RASGRP2: variants seen among roughly 807,000 people sequenced by gnomAD.
RASGRP2 encodes the protein RAS guanyl releasing protein 2.
In RASGRP2, 44 loss-of-function variants were observed where a neutral mutation model predicts 71.0. The observed-to-expected ratio is 0.62, with a 90% CI of 0.49 to 0.80. The LOEUF (loss-of-function observed/expected upper bound fraction) is 0.80, where lower values mean the gene tolerates loss of function less well. Ranked by LOEUF, RASGRP2 falls within the 30% of genes least tolerant of loss-of-function variation. RASGRP2 has a pLI of 0.00. For synonymous variants in RASGRP2, 350 were observed against 330.7 expected (o/e 1.06, Z -0.63); for missense variants, 663 against 813.4 (o/e 0.82, Z 2.25).
chr11:64,729,442 T>G (rs565779145), intron 14 of RASGRP2, among the ~76,000 whole-genome samples: 4 of 151,936 alleles, frequency 2.6e-5, no homozygotes, highest in African/African-American at 7.2e-5. Flanking sequence ...GTTCAAGCGA[T>G]TCTCATGCCT....
rs1422798898 is a variant in RASGRP2 at position 64,739,949 on chromosome 11, G to C, written c.522+64C>G. 1.2e-6 allele frequency: 2 copies of C among 1,611,862 alleles called. No homozygotes were observed. Among genetic ancestry groups the C allele is most frequent in the Non-Finnish European group, 1.7e-6 (2 of 1,179,030 alleles). On this transcript the variant is annotated intron_variant, in intron 6 of 16. Coordinates refer to ENST00000394432, the MANE Select transcript of RASGRP2 (RefSeq NM_001098671.2). This position sits in a 1 kb window ranked among gnomAD's most constrained non-coding sequence, Gnocchi z 4.2. ...TGACCCAGCCTACGCCAGGGACCCT[G>C]CCCCTCCTAGAACTCTCTTCCAGCC...
At position 64,743,397 on chromosome 11, in the gene RASGRP2, G is replaced by A. The variant is rs766183717; in HGVS notation, c.-71-460C>T. 10 of 369,972 alleles carry A rather than the reference G, an allele frequency of 2.7e-5. No homozygotes were observed. The highest frequency in any genetic ancestry group is 6.4e-5 in the African/African-American group (3 of 46,582). 22.9% of individuals were successfully genotyped at this position (369,972 alleles called of 1,614,324 possible). A position where few individuals can be genotyped will look rare whatever the true frequency, so the allele number is the denominator to read the frequency against. On this transcript the variant is annotated intron_variant, in intron 1 of 16. Coordinates refer to ENST00000394432, the MANE Select transcript of RASGRP2 (RefSeq NM_001098671.2). The surrounding 1 kb of genome is among the most constrained non-coding windows in gnomAD (Gnocchi z 4.9). The stretch of plus-strand genomic sequence containing the variant: ...GGAGGAATTTCTCCCTGGTATGGGA[G>A]GTGGGGGGAGAGAACCCAGGCGTCC...
chr11:64,729,718 A>C (rs1486175069), intron 14 of RASGRP2, 44 bp downstream of exon 14: 8 of 1,584,210 alleles, frequency 5.0e-6, no homozygotes, highest in Non-Finnish European at 6.0e-6. Context: ...ACAAACAAAA[A>C]AAAAAAACAC....
rs374926495 is a variant in RASGRP2 at position 64,739,496 on chromosome 11, G to A, written c.697-20C>T. ...CAGCTTCTGGAAGGCAAATGGGGACGGAGAGGCAGGGAGTCACTGAGTGGG... is the reference window on the plus strand; with the variant it reads ...CAGCTTCTGGAAGGCAAATGGGGACAGAGAGGCAGGGAGTCACTGAGTGGG... On this transcript the variant is annotated intron_variant, in intron 7 of 16. Transcript: ENST00000394432. This position sits in a 1 kb window ranked among gnomAD's most constrained non-coding sequence, Gnocchi z 4.2. The A allele has an allele frequency of 1.7e-5, 28 of 1,611,232 alleles. No individual in the cohort carries two copies. Among genetic ancestry groups the A allele is most frequent in the Admixed American group, 3.3e-5 (2 of 60,010 alleles).
intron 12 of RASGRP2, among the ~76,000 whole-genome samples, chr11:64,733,889 T>C (rs1390290028): frequency 2.1e-5 from 3 of 144,430 alleles, no homozygotes; most frequent in Non-Finnish European, 3.0e-5. Flanking sequence ...TCTCGCGCAG[T>C]CACCCAGGCT....
intron 8 of RASGRP2, among the ~76,000 whole-genome samples, chr11:64,738,804 T>C (rs1565513760): frequency 1.3e-5 from 2 of 151,600 alleles, no homozygotes; most frequent in Admixed American, 1.3e-4. Context: ...TCAAAAATAA[T>C]AAAAAATGAA....
chr11:64,743,247 G>C lies in RASGRP2; in HGVS notation c.-71-310C>G, dbSNP rs1192022533. 1 of 492,674 alleles carries C rather than the reference G, an allele frequency of 2.0e-6. No individual in the cohort carries two copies. The highest frequency in any genetic ancestry group is 5.7e-5 in the East Asian group (1 of 17,574). 30.5% of individuals were successfully genotyped at this position (492,674 alleles called of 1,614,324 possible). A position where few individuals can be genotyped will look rare whatever the true frequency, so the allele number is the denominator to read the frequency against. On this transcript the variant is annotated intron_variant, in intron 1 of 16. Coordinates refer to ENST00000394432, the MANE Select transcript of RASGRP2 (RefSeq NM_001098671.2). The surrounding 1 kb of genome is among the most constrained non-coding windows in gnomAD (Gnocchi z 4.9). ...CCCCCGCAGGGCGCCTTCTCCTCGCGCCCTCTCCCCAGAGGCACCTGCAGC... is the reference window on the plus strand; with the variant it reads ...CCCCCGCAGGGCGCCTTCTCCTCGCCCCCTCTCCCCAGAGGCACCTGCAGC...
At chr11:64,729,194 C>T (rs917594666) in intron 14 of RASGRP2, 152 bp from the exon 15 acceptor site, 1 of 798,718 alleles carries the variant, frequency 1.3e-6, no homozygotes, top group Non-Finnish European at 2.1e-6. Context: ...TTCTCCTCCT[C>T]CTAATTGTCA....
chr11:64,735,657 C>A lies in RASGRP2; in HGVS notation c.1181G>T (p.Ser394Ile). ...REPRSKSSPT[S>I]PTSCTPPPRP... ...GGGTGGTGGGGTGCAACTCGTGGGGCTGGTTGGCTATGGAAATGGTCGGGC... is the reference window on the plus strand; with the variant it reads ...GGGTGGTGGGGTGCAACTCGTGGGGATGGTTGGCTATGGAAATGGTCGGGC... The change falls in exon 11 of 17, where the codon AGC (serine) becomes ATC (isoleucine). Residue 394 changes from serine to isoleucine, a missense_variant. Ser to Ile is a moderately radical substitution (Grantham distance 142). Coordinates refer to ENST00000394432, the MANE Select transcript of RASGRP2 (RefSeq NM_001098671.2). The surrounding 1 kb of genome is among the most constrained non-coding windows in gnomAD (Gnocchi z 4.2). 5.0e-6 allele frequency: 8 copies of A among 1,611,666 alleles called. No homozygotes were observed. Among genetic ancestry groups the A allele is most frequent in the Non-Finnish European group, 6.8e-6 (8 of 1,179,232 alleles).
At position 64,739,266 on chromosome 11, in the gene RASGRP2, A is replaced by T; in HGVS notation, c.813+94T>A. The T allele has an allele frequency of 1.0e-6, 1 of 970,616 alleles. No individual in the cohort carries two copies. The highest frequency in any genetic ancestry group is 1.3e-5 in the South Asian group (1 of 75,888). The allele number at this position is 970,616 out of a possible 1,614,324, so 60.1% of individuals were successfully genotyped here. A position where few individuals can be genotyped will look rare whatever the true frequency, so the allele number is the denominator to read the frequency against. On this transcript the variant is annotated intron_variant, in intron 8 of 16. Transcript: ENST00000394432. The surrounding 1 kb of genome is among the most constrained non-coding windows in gnomAD (Gnocchi z 4.2). ...CTGAGCCTCCATTTCCATATCTATC[A>T]AATGAGGACAGCTGTGCCCAGCCCC...
rs889522511 is a variant in RASGRP2, at chr11:64,739,878, T to C, written c.523-69A>G. 2.5e-6 allele frequency: 4 copies of C among 1,609,158 alleles called. No homozygotes were observed. The African/African-American group carries it at 4.0e-5, about 16-fold the overall frequency. On this transcript the variant is annotated intron_variant, in intron 6 of 16. Transcript: ENST00000394432. The surrounding 1 kb of genome is among the most constrained non-coding windows in gnomAD (Gnocchi z 4.2). Reference sequence around the variant, plus strand: ...CCTCACTGATAGCCACTCCTCACCCTCCAGCTGACCTTCAGTGGTTACACT... The same window carrying C: ...CCTCACTGATAGCCACTCCTCACCCCCCAGCTGACCTTCAGTGGTTACACT...
intron 8 of RASGRP2, 75 bp from the exon 9 acceptor site, chr11:64,737,109 G>A: frequency 1.3e-6 from 2 of 1,564,506 alleles, no homozygotes; most frequent in East Asian, 2.3e-5. Context: ...GTAGGAGGGG[G>A]TGAGGAGGAG....
chr11:64,744,198 C>T (rs2058235101), upstream of RASGRP2: 3 of 985,968 alleles, frequency 3.0e-6, no homozygotes, highest in Middle Eastern at 5.2e-4. Flanking sequence ...TGGGTGCGCA[C>T]GCCCATTCCG....
rs1198353964 is a variant in RASGRP2 at position 64,742,987 on chromosome 11, G to A, written c.-71-50C>T. 3 of 1,503,950 alleles carry A rather than the reference G, an allele frequency of 2.0e-6. No individual in the cohort carries two copies. In the Admixed American group the frequency reaches 6.3e-5, roughly 32 times the overall value. 93.2% of individuals were successfully genotyped at this position (1,503,950 alleles called of 1,614,324 possible). On this transcript the variant is annotated intron_variant, in intron 1 of 16. Coordinates refer to ENST00000394432, the MANE Select transcript of RASGRP2 (RefSeq NM_001098671.2). This position sits in a 1 kb window ranked among gnomAD's most constrained non-coding sequence, Gnocchi z 4.7. ...AGTCTGCGGAGTCGCGGGCGGGGGA[G>A]CGGCCCCGCGGGCAGAAACGGGGCG... is the stretch of plus-strand genomic sequence containing the variant.
chr11:64,744,058 C>CTGTT lies in RASGRP2; in HGVS notation c.-131_-128dup. 1.0e-6 allele frequency: 1 copy of CTGTT among 988,514 alleles called. No individual in the cohort carries two copies. The highest frequency in any genetic ancestry group is 6.1e-5 in the Admixed American group (1 of 16,310). The allele number at this position is 988,514 out of a possible 1,614,324, so 61.2% of individuals were successfully genotyped here. ...CGGACGAGGTCGCCTCCTGGACGTG[C>CTGTT]TGTTCACTTGAGCCAGGCCAGCCTT... is the stretch of plus-strand genomic sequence containing the variant. On this transcript the variant is annotated 5_prime_UTR_variant, in exon 1 of 17. Transcript: ENST00000394432.
chr11:64,738,047 AAAAT>A, intron 8 of RASGRP2, among the ~76,000 whole-genome samples: 1 of 152,326 alleles, frequency 6.6e-6, no homozygotes, highest in Middle Eastern at 3.4e-3. Flanking sequence ...CCATCTCAAA[AAAAT>A]AAATAAATAA....
chr11:64,729,680 C>T, intron 14 of RASGRP2, 82 bp downstream of exon 14: 1 of 1,528,658 alleles, frequency 6.5e-7, no homozygotes, highest in Non-Finnish European at 9.1e-7. Flanking sequence ...GGCAATTGCC[C>T]CACCAAAACA....
In RASGRP2 at chr11:64,741,510, G is replaced by A. The variant is rs751228026; in HGVS notation, c.177-9C>T. On this transcript the variant is annotated splice_polypyrimidine_tract_variant and intron_variant, in intron 3 of 16. Coordinates refer to ENST00000394432, the MANE Select transcript of RASGRP2 (RefSeq NM_001098671.2). ...TCCGGGATTGTTGGTAGGTGAAGGAGAGGGTTAAGGAGGCCGCTTAACTCT... is the reference window on the plus strand; with the variant it reads ...TCCGGGATTGTTGGTAGGTGAAGGAAAGGGTTAAGGAGGCCGCTTAACTCT... 5 of 1,569,968 alleles carry A rather than the reference G, an allele frequency of 3.2e-6. No individual in the cohort carries two copies. Among genetic ancestry groups the A allele is most frequent in the Non-Finnish European group, 4.3e-6 (5 of 1,154,162 alleles).
intron 9 of RASGRP2, 29 bp from the exon 10 acceptor site, chr11:64,736,009 C>G (rs1342569148): frequency 6.2e-7 from 1 of 1,603,124 alleles, no homozygotes; most frequent in Non-Finnish European, 8.5e-7. Flanking sequence ...ATCACCCCCA[C>G]TGGCCCCTGC....
Sources: allele counts gnomAD v4.1 joint callset (sites outside exome capture counted in the v4.1 genomes callset), GRCh38; gene constraint gnomAD v4.1.1; non-coding constraint Gnocchi (gnomAD v3.1); transcripts MANE v1.5; gene names NCBI Gene and HGNC (gene_info 2026-07-23, HGNC 2026-07-21).